Variants in CDK5RAP2 observed in about 807,000 individuals in gnomAD.
CDK5RAP2 encodes CDK5 regulatory subunit associated protein 2.
CDK5RAP2 carries 147 observed loss-of-function variants against 232.9 expected under a neutral mutation model. The ratio of observed to expected loss-of-function variants is 0.63; its 90% CI spans 0.55 to 0.72. The LOEUF (loss-of-function observed/expected upper bound fraction) is 0.72. CDK5RAP2 is among the 30% of genes least tolerant of loss of function. The pLI is 0.00. For missense variants in CDK5RAP2, 2,195 were observed against 2,231.5 expected, an observed-to-expected ratio of 0.98 and a Z score of 0.33; for synonymous variants, 833 against 833.7, an observed-to-expected ratio of 1.00 and a Z score of 0.01.
intron 16 of CDK5RAP2, among the ~76,000 whole-genome samples, chr9:120,470,475 TG>T (rs1018760344): frequency 6.6e-6 from 1 of 152,218 alleles, no homozygotes; most frequent in African/African-American, 2.4e-5. Flanking sequence ...TGTGGCCAAC[TG>T]TGAATTATAA....
intron 3 of CDK5RAP2, among the ~76,000 whole-genome samples, chr9:120,561,747 T>C (rs752376770): frequency 1.3e-5 from 2 of 152,264 alleles, no homozygotes; most frequent in African/African-American, 2.4e-5. Flanking sequence ...GCATATTCCA[T>C]TGCTTTCATT....
intron 21 of CDK5RAP2, among the ~76,000 whole-genome samples, chr9:120,448,841 T>C (rs2036339001): frequency 6.6e-6 from 1 of 152,126 alleles, no homozygotes; most frequent in Non-Finnish European, 1.5e-5. Flanking sequence ...GTCTCTCCAT[T>C]CTTTCAACTC....
intron 1 of CDK5RAP2, among the ~76,000 whole-genome samples, chr9:120,579,647 T>C (rs1167723706): frequency 6.6e-6 from 1 of 152,110 alleles, no homozygotes; most frequent in Non-Finnish European, 1.5e-5. Flanking sequence ...CCCACCCTCG[T>C]CCTACTCTTT....
intron 18 of CDK5RAP2, among the ~76,000 whole-genome samples, chr9:120,461,259 G>A (rs931087849): frequency 5.9e-5 from 9 of 152,236 alleles, no homozygotes; most frequent in Non-Finnish European, 1.2e-4. Flanking sequence ...TATCACGCTT[G>A]CGTGACGATA....
rs1460378970 is a variant in CDK5RAP2, at chr9:120,448,024, T to A, written c.2896A>T (p.Ser966Cys). 2 of 1,614,028 alleles carry A rather than the reference T, an allele frequency of 1.2e-6. No homozygotes were observed. The highest frequency in any genetic ancestry group is 1.7e-6 in the Non-Finnish European group (2 of 1,179,874). The change falls in exon 22 of 38, where the codon AGC becomes TGC. Residue 966 changes from serine (S) to cysteine (C), a missense_variant. By Grantham distance (112) the Ser-to-Cys change is moderately radical (BLOSUM62 -1). Coordinates refer to ENST00000349780, the MANE Select transcript of CDK5RAP2 (RefSeq NM_018249.6). Reference protein sequence around the residue: ...ATQEVVTQLQSQILELQGELK... With the variant: ...ATQEVVTQLQCQILELQGELK... ...TCCCCCTGCAGCTCCAAGATCTGGC[T>A]CTGCAGCTGCGTCACCACCTCCTGG...
At chr9:120,463,151 C>T (rs2037184092) in intron 18 of CDK5RAP2, among the ~76,000 whole-genome samples, 1 of 152,140 alleles carries the variant, frequency 6.6e-6, no homozygotes, top group Non-Finnish European at 1.5e-5. Flanking sequence ...GTGGGCAGAT[C>T]ACGAAGTCAG....
At chr9:120,452,570 C>A (rs370966039) in intron 21 of CDK5RAP2, among the ~76,000 whole-genome samples, 3 of 151,806 alleles carry the variant, frequency 2.0e-5, no homozygotes, top group Non-Finnish European at 4.4e-5. Context: ...CATCTCCCTT[C>A]TATAGGGATT....
chr9:120,520,865 A>ATCTCATATATATCTCATATGAACTG, intron 11 of CDK5RAP2, among the ~76,000 whole-genome samples: 1 of 66,448 alleles, frequency 1.5e-5, no homozygotes. Context: ...CATATGAGCT[A>ATCTCATATATATCTCATATGAACTG]TATCTCATAT....
At chr9:120,564,104 A>C (rs1003618091) in intron 3 of CDK5RAP2, among the ~76,000 whole-genome samples, 1 of 152,180 alleles carries the variant, frequency 6.6e-6, no homozygotes, top group African/African-American at 2.4e-5. Context: ...TCTACTGTTT[A>C]TTGCATGTAA....
chr9:120,488,680 C>A (rs1363202409), intron 13 of CDK5RAP2, among the ~76,000 whole-genome samples: 1 of 152,226 alleles, frequency 6.6e-6, no homozygotes, highest in Non-Finnish European at 1.5e-5. Flanking sequence ...GTCCCTCAAC[C>A]CTTTTCCTAA....
intron 36 of CDK5RAP2, chr9:120,390,355 G>A (rs116281595): frequency 6.3e-6 from 1 of 159,242 alleles, no homozygotes; most frequent in Non-Finnish European, 1.4e-5. Flanking sequence ...CTTCTCCTTT[G>A]CCTGCCCTTT....
At chr9:120,496,940 A>C (rs1223567835) in intron 12 of CDK5RAP2, among the ~76,000 whole-genome samples, 1 of 140,872 alleles carries the variant, frequency 7.1e-6, no homozygotes, top group Admixed American at 6.8e-5. Flanking sequence ...ACGGGCCAGG[A>C]TGACAATGGC....
chr9:120,462,244 A>G (rs896889778), intron 18 of CDK5RAP2, among the ~76,000 whole-genome samples: 7 of 152,216 alleles, frequency 4.6e-5, no homozygotes, highest in African/African-American at 1.7e-4. Context: ...ATAAAAGTCT[A>G]TAAATATGGG....
At chr9:120,529,537 C>T (rs1007047239) in intron 8 of CDK5RAP2, among the ~76,000 whole-genome samples, 1 of 152,218 alleles carries the variant, frequency 6.6e-6, no homozygotes, top group Non-Finnish European at 1.5e-5. Flanking sequence ...GTATACTGAA[C>T]CCCTCCCATA....
intron 3 of CDK5RAP2, among the ~76,000 whole-genome samples, chr9:120,566,425 T>C (rs1269003210): frequency 6.6e-6 from 1 of 152,034 alleles, no homozygotes; most frequent in Non-Finnish European, 1.5e-5. Context: ...TCCTAAAACA[T>C]GTTGGCATAG....
intron 12 of CDK5RAP2, among the ~76,000 whole-genome samples, chr9:120,510,345 A>G (rs1431221107): frequency 6.6e-6 from 1 of 152,214 alleles, no homozygotes; most frequent in Non-Finnish European, 1.5e-5. Context: ...TTGTCAGGGT[A>G]GCGGATGACG....
chr9:120,521,190 T>G (rs988260153), intron 11 of CDK5RAP2, among the ~76,000 whole-genome samples: 2 of 152,232 alleles, frequency 1.3e-5, no homozygotes, highest in Non-Finnish European at 2.9e-5. Context: ...TACTCTGTTT[T>G]TGTCCAAATA....
At chr9:120,443,519 G>T in intron 23 of CDK5RAP2, 101 bp downstream of exon 23, 1 of 1,300,674 alleles carries the variant, frequency 7.7e-7, no homozygotes, top group Non-Finnish European at 1.1e-6. Context: ...ATAATGCCCT[G>T]AGAGGGCTGC....
rs141376445 is a variant in CDK5RAP2 at position 120,419,193 on chromosome 9, C to T, written c.4177+595G>A. Among the ~76,000 whole-genome samples, 33 of 152,308 alleles carry T rather than the reference C, an allele frequency of 2.2e-4. 1 individual carries two copies. In the East Asian group the frequency reaches 6.4e-3, roughly 29 times the overall value. ...GAAGGCCCTCACCATGCTGGCTCTA[C>T]CCTGATCTTGGACTTCCTAGCCTTT... On this transcript the variant is annotated intron_variant, in intron 27 of 37. Transcript: ENST00000349780.
Sources: allele counts gnomAD v4.1 joint callset (sites outside exome capture counted in the v4.1 genomes callset), GRCh38; gene constraint gnomAD v4.1.1; transcripts MANE v1.5; gene names NCBI Gene and HGNC (gene_info 2026-07-23, HGNC 2026-07-21).